ABAT: variants seen among roughly 807,000 people sequenced by gnomAD.
ABAT encodes 4-aminobutyrate aminotransferase.
In ABAT, 45 loss-of-function variants were observed where a neutral mutation model predicts 64.6. The observed-to-expected ratio is 0.70, with a 90% confidence interval of 0.55 to 0.89. The LOEUF (loss-of-function observed/expected upper bound fraction) is 0.89. Among genes scored for constraint, ABAT ranks in the 40% least tolerant of loss-of-function variants. The pLI is 0.00. For synonymous variants in ABAT, 297 were observed against 250.5 expected (o/e 1.19, Z -1.75); for missense variants, 633 against 658.4 (o/e 0.96, Z 0.42).
intron 9 of ABAT, 30 bp from the exon 10 acceptor site, chr16:8,768,163 T>G: frequency 6.2e-7 from 1 of 1,607,528 alleles, no homozygotes. Flanking sequence ...CTTACAACTA[T>G]GACTAATGAC....
chr16:8,742,941 C>T (rs1441162377), intron 2 of ABAT, among the ~76,000 whole-genome samples: 1 of 140,376 alleles, frequency 7.1e-6, no homozygotes, highest in African/African-American at 2.7e-5. Context: ...GAGGCTGAGG[C>T]AGGAGGATCA....
At chr16:8,689,501 G>A (rs1013756110) in intron 1 of ABAT, among the ~76,000 whole-genome samples, 2 of 152,186 alleles carry the variant, frequency 1.3e-5, no homozygotes, top group African/African-American at 4.8e-5. Flanking sequence ...ATGGTATCAT[G>A]ATGGGAATTC....
chr16:8,682,694 G>C (rs1285183795), intron 1 of ABAT, among the ~76,000 whole-genome samples: 3 of 152,144 alleles, frequency 2.0e-5, no homozygotes, highest in Non-Finnish European at 4.4e-5. Context: ...TATTATCTTG[G>C]ATATCAGCAA....
chr16:8,777,490 C>T (rs755125852), intron 14 of ABAT, among the ~76,000 whole-genome samples: 1 of 152,194 alleles, frequency 6.6e-6, no homozygotes, highest in Non-Finnish European at 1.5e-5. Context: ...TTGTCTTTAG[C>T]AGCCTTCCCA....
At chr16:8,744,252 T>C (rs1007970132) in intron 2 of ABAT, among the ~76,000 whole-genome samples, 2 of 152,138 alleles carry the variant, frequency 1.3e-5, no homozygotes, top group Admixed American at 6.5e-5. Context: ...GATGCTGGCA[T>C]GTGCTCAGCT....
chr16:8,684,150 G>C (rs2057397883), intron 1 of ABAT, among the ~76,000 whole-genome samples: 1 of 152,140 alleles, frequency 6.6e-6, no homozygotes, highest in Non-Finnish European at 1.5e-5. Context: ...CCCTGTTCCT[G>C]GGGATTCTAG....
rs1325129175 is a variant in ABAT, at chr16:8,781,129, G to A, written c.1382-180G>A. The A allele has an allele frequency of 2.3e-6, 2 of 872,774 alleles. No homozygotes were observed. Among genetic ancestry groups the A allele is most frequent in the African/African-American group, 3.3e-5 (2 of 60,940 alleles). The allele number at this position is 872,774 out of a possible 1,614,324, so 54.1% of individuals were successfully genotyped here. A position where few individuals can be genotyped will look rare whatever the true frequency, so the allele number is the denominator to read the frequency against. On this transcript the variant is annotated intron_variant, in intron 15 of 15. Coordinates refer to ENST00000268251, the MANE Select transcript of ABAT (RefSeq NM_020686.6). This position sits in a 1 kb window ranked among gnomAD's most constrained non-coding sequence, Gnocchi z 4.5. ...GGAGATGAATGAGGGGAGAGAGAAA[G>A]GAAATGAAGACTGGATGGGTGGGTG...
chr16:8,704,746 T>A (rs2057901802), intron 1 of ABAT, among the ~76,000 whole-genome samples: 1 of 152,222 alleles, frequency 6.6e-6, no homozygotes, highest in South Asian at 2.1e-4. Flanking sequence ...AGTTTTCAGT[T>A]AATGTCATAT....
intron 11 of ABAT, among the ~76,000 whole-genome samples, chr16:8,770,268 G>A (rs2060066948): frequency 6.6e-6 from 1 of 151,804 alleles, no homozygotes; most frequent in African/African-American, 2.4e-5. Context: ...TTCCTGAGTA[G>A]CTGGGACTAC....
At chr16:8,760,854 C>G (rs2059775471) in intron 6 of ABAT, among the ~76,000 whole-genome samples, 1 of 152,142 alleles carries the variant, frequency 6.6e-6, no homozygotes, top group South Asian at 2.1e-4. Context: ...GCAGAAGGAT[C>G]CCTGAGGCCA....
At position 8,764,160 on chromosome 16, in the gene ABAT, G is replaced by T. The variant is rs759033920; in HGVS notation, c.447+11G>T. The T allele has an allele frequency of 1.2e-6, 2 of 1,611,002 alleles. No homozygotes were observed. Among genetic ancestry groups the T allele is most frequent in the East Asian group, 4.5e-5 (2 of 44,854 alleles). The stretch of plus-strand genomic sequence containing the variant: ...CAGTCCTTGCTCTCGGTGAGTTCTG[G>T]AGAAGCAATCCCATTGTCTTCAGAC... On this transcript the variant is annotated intron_variant, in intron 7 of 15. Transcript: ENST00000268251. The surrounding 1 kb of genome is among the most constrained non-coding windows in gnomAD (Gnocchi z 4.2).
intron 9 of ABAT, among the ~76,000 whole-genome samples, chr16:8,767,815 A>G (rs1460174290): frequency 6.6e-6 from 1 of 152,052 alleles, no homozygotes; most frequent in Non-Finnish European, 1.5e-5. Context: ...AGCTAGGATT[A>G]CAGGCCCCCA....
At chr16:8,743,006 T>TAAAA in intron 2 of ABAT, among the ~76,000 whole-genome samples, 1 of 29,508 alleles carries the variant, frequency 3.4e-5, no homozygotes. Flanking sequence ...CCTCATTTCT[T>TAAAA]TAAAAAAAAA....
intron 5 of ABAT, among the ~76,000 whole-genome samples, chr16:8,754,662 A>ATTTC (rs779413223): frequency 0.011 from 1,546 of 146,002 alleles, 29 homozygotes; most frequent in African/African-American, 0.037. Context: ...CAGCAAGTTG[A>ATTTC]TTTATTTATT....
At chr16:8,711,726 A>T (rs566298251) in intron 1 of ABAT, among the ~76,000 whole-genome samples, 15 of 94,788 alleles carry the variant, frequency 1.6e-4, no homozygotes, top group East Asian at 3.5e-4. Context: ...ATGGATGGGA[A>T]GATGGATGGG....
In ABAT at chr16:8,782,961, C is replaced by T. The variant is rs562764314; in HGVS notation, c.*1531C>T. 6.6e-6 allele frequency: 1 copy of T among 152,160 alleles called. No individual in the cohort carries two copies. Among genetic ancestry groups the T allele is most frequent in the African/African-American group, 2.4e-5 (1 of 41,514 alleles). The allele number at this position is 152,160 out of a possible 1,614,324, so 9.4% of individuals were successfully genotyped here. A position where few individuals can be genotyped will look rare whatever the true frequency, so the allele number is the denominator to read the frequency against. ...TTTTTTTTTTTAGCTTCCACTCTTCCGCAGACTTGGTCATCGACCTATTTT... is the reference window on the plus strand; with the variant it reads ...TTTTTTTTTTTAGCTTCCACTCTTCTGCAGACTTGGTCATCGACCTATTTT... On this transcript the variant is annotated 3_prime_UTR_variant, in exon 16 of 16. Coordinates refer to ENST00000268251, the MANE Select transcript of ABAT (RefSeq NM_020686.6).
chr16:8,733,493 G>T lies in ABAT; in HGVS notation c.-41-2206G>T, dbSNP rs1311143396. On this transcript the variant is annotated intron_variant, in intron 1 of 15. Transcript: ENST00000268251. ...GGCCAAGGCAGGCGGCTGGGAGGTG[G>T]AGGTTGTAGCAAGCCGAGATCACGC... 4.6e-5 allele frequency among the ~76,000 whole-genome samples: 7 copies of T among 152,010 alleles called. No homozygotes were observed. In the East Asian group the frequency reaches 1.4e-3, roughly 29 times the overall value.
intron 5 of ABAT, among the ~76,000 whole-genome samples, chr16:8,756,058 A>C (rs2059641145): frequency 6.6e-6 from 1 of 151,528 alleles, no homozygotes; most frequent in East Asian, 1.9e-4. Context: ...CAAAAAAAAA[A>C]CAAAATTAGC....
chr16:8,710,035 A>G (rs937897470), intron 1 of ABAT, among the ~76,000 whole-genome samples: 1 of 151,806 alleles, frequency 6.6e-6, no homozygotes, highest in Non-Finnish European at 1.5e-5. Flanking sequence ...CTGGTCTTGA[A>G]TTCCTGAGCT....
Sources: gnomAD v4.1 joint callset for allele counts (sites outside exome capture counted in the v4.1 genomes callset) on GRCh38, gnomAD v4.1.1 for gene constraint, Gnocchi (gnomAD v3.1) non-coding constraint, MANE v1.5 for transcripts, NCBI Gene and HGNC (gene_info 2026-07-23, HGNC 2026-07-21) for gene names.